Variants in UACA observed in about 807,000 individuals in gnomAD.
The protein encoded by UACA is uveal autoantigen with coiled-coil domains and ankyrin repeats, also known as nuclear membrane binding protein.
In UACA, 112 loss-of-function variants were observed where a neutral mutation model predicts 160.5. That is an observed-to-expected ratio of 0.70 (90% CI 0.60 to 0.82). The LOEUF (loss-of-function observed/expected upper bound fraction) is 0.82. Ranked by LOEUF, UACA falls within the 40% of genes least tolerant of loss-of-function variation. The pLI is 0.00. For missense variants in UACA, 1,574 were observed against 1,614.6 expected (o/e 0.97, Z 0.43); for synonymous variants, 557 against 568.4 (o/e 0.98, Z 0.29).
At chr15:70,679,572 T>TGGAA in intron 10 of UACA, 36 bp downstream of exon 10, 1 of 1,442,354 alleles carries the variant, frequency 6.9e-7, no homozygotes, top group Non-Finnish European at 9.6e-7. Context: ...CTGGAATTGT[T>TGGAA]TTTAAAGGAA....
chr15:70,760,910 T>C (rs982108301), intron 1 of UACA, among the ~76,000 whole-genome samples: 7 of 152,164 alleles, frequency 4.6e-5, no homozygotes, highest in African/African-American at 1.7e-4. Context: ...ATTAAAAGCT[T>C]GGAAAACATT....
At chr15:70,699,351 G>C (rs1898244278) in intron 2 of UACA, among the ~76,000 whole-genome samples, 176 bp downstream of exon 2, 1 of 152,056 alleles carries the variant, frequency 6.6e-6, no homozygotes, top group Non-Finnish European at 1.5e-5. Context: ...TCCCTCTCTA[G>C]ACTGGAAATA....
intron 1 of UACA, among the ~76,000 whole-genome samples, chr15:70,750,120 C>T (rs558011182): frequency 8.2e-4 from 125 of 152,292 alleles, no homozygotes; most frequent in Admixed American, 1.2e-3. Context: ...GGGCCCTCCT[C>T]TCCATCCCTT....
intron 9 of UACA, chr15:70,681,454 G>T (rs943992124): frequency 6.6e-6 from 1 of 152,070 alleles, no homozygotes; most frequent in Non-Finnish European, 1.5e-5. Context: ...GGAGCAGTGT[G>T]TCTTTCTGTT....
chr15:70,760,579 C>T (rs1183698786), intron 1 of UACA, among the ~76,000 whole-genome samples: 11 of 151,990 alleles, frequency 7.2e-5, no homozygotes, highest in Admixed American at 2.0e-4. Context: ...GAGGCCGAGG[C>T]GGGTGGATCA....
At chr15:70,666,598 G>C in intron 16 of UACA, 126 bp downstream of exon 16, 1 of 720,200 alleles carries the variant, frequency 1.4e-6, no homozygotes, top group South Asian at 4.1e-5. Context: ...ATTTTTGCAC[G>C]CAAGTTGCTA....
intron 14 of UACA, 72 bp from the exon 15 acceptor site, chr15:70,671,163 G>T: frequency 9.3e-7 from 1 of 1,076,958 alleles, no homozygotes; most frequent in Non-Finnish European, 1.4e-6. Context: ...TTAATTTGAT[G>T]TTATTTCCTT....
intron 1 of UACA, among the ~76,000 whole-genome samples, chr15:70,754,475 G>A (rs1783648813): frequency 6.6e-6 from 1 of 152,064 alleles, no homozygotes; most frequent in African/African-American, 2.4e-5. Flanking sequence ...AAGAAGGTTA[G>A]GCTAAGCTAT....
At position 70,701,858 on chromosome 15, in the gene UACA, A is replaced by G. The variant is rs117448690; in HGVS notation, c.79-2198T>C. 6,439 of 1,606,510 alleles carry G rather than the reference A, an allele frequency of 4.0e-3. 25 individuals are homozygous for G. The highest frequency in any genetic ancestry group is 4.1e-3 in the South Asian group (365 of 89,994). On this transcript the variant is annotated intron_variant, in intron 1 of 18. Transcript: ENST00000322954. ...CTAACCAAGAATCTTTTGTTACACTAGACTACTGGGATACCTACTCTGTTC... is the reference window on the plus strand; with the variant it reads ...CTAACCAAGAATCTTTTGTTACACTGGACTACTGGGATACCTACTCTGTTC...
intron 2 of UACA, among the ~76,000 whole-genome samples, chr15:70,696,210 G>C (rs1898122683): frequency 6.6e-6 from 1 of 152,054 alleles, no homozygotes; most frequent in Non-Finnish European, 1.5e-5. Context: ...CAAAACCTTA[G>C]TACTCCTAGT....
intron 1 of UACA, among the ~76,000 whole-genome samples, chr15:70,746,307 A>G (rs983737198): frequency 1.3e-5 from 2 of 152,224 alleles, no homozygotes; most frequent in African/African-American, 4.8e-5. Context: ...AAACAACCCC[A>G]TCAAAAAGTG....
At chr15:70,753,716 G>A (rs867541199) in intron 1 of UACA, among the ~76,000 whole-genome samples, 1 of 152,204 alleles carries the variant, frequency 6.6e-6, no homozygotes, top group Non-Finnish European at 1.5e-5. Flanking sequence ...TTTCTCACAA[G>A]CAGTTTCTTT....
intron 1 of UACA, among the ~76,000 whole-genome samples, chr15:70,711,273 A>G (rs1898673374): frequency 6.6e-6 from 1 of 152,204 alleles, no homozygotes; most frequent in Non-Finnish European, 1.5e-5. Flanking sequence ...TTTAAACCCT[A>G]ATATAAGGAG....
Position 70,699,564 on chromosome 15 carries a change from C to A in UACA, c.175G>T (p.Val59Phe), listed in dbSNP as rs371918252. 3.1e-6 allele frequency: 5 copies of A among 1,610,414 alleles called. No homozygotes were observed. The highest frequency in any genetic ancestry group is 2.7e-5 in the African/African-American group (2 of 73,702). ...TCCACATCTAGTTTGCCTGGATTGACCCCCTTTTTAGCAAGGATTGAGGTC... is the reference window on the plus strand; with the variant it reads ...TCCACATCTAGTTTGCCTGGATTGAACCCCTTTTTAGCAAGGATTGAGGTC... ...KVTSILAKKGVNPGKLDVEGR... is the reference protein window; with the variant it reads ...KVTSILAKKGFNPGKLDVEGR... Residue 59 changes from valine (V) to phenylalanine (F), a missense_variant, in exon 2 of 19, where the codon GTC becomes TTC. Val to Phe is a conservative substitution (Grantham distance 50). Transcript: ENST00000322954.
At chr15:70,728,565 A>C (rs1170642215) in intron 1 of UACA, among the ~76,000 whole-genome samples, 1 of 150,176 alleles carries the variant, frequency 6.7e-6, no homozygotes, top group Non-Finnish European at 1.5e-5. Context: ...CCCCATCTCA[A>C]AAAAAAAAAG....
intron 1 of UACA, chr15:70,754,108 T>C (rs1490074888): frequency 4.4e-6 from 2 of 455,870 alleles, no homozygotes; most frequent in South Asian, 3.1e-5. Context: ...GCCCAGCCTA[T>C]ATTTGGTTTT....
At chr15:70,761,279 G>T (rs774136896) in intron 1 of UACA, among the ~76,000 whole-genome samples, 7 of 152,148 alleles carry the variant, frequency 4.6e-5, no homozygotes, top group Non-Finnish European at 1.0e-4. Context: ...GGGGCAGGGT[G>T]GCTGAAGCAG....
intron 1 of UACA, among the ~76,000 whole-genome samples, chr15:70,709,788 C>G (rs972583210): frequency 5.9e-5 from 9 of 152,030 alleles, no homozygotes; most frequent in Non-Finnish European, 8.8e-5. Context: ...ATATGAAATA[C>G]CTTATACTGT....
Position 70,669,535 on chromosome 15 carries a change from T to C in UACA, c.1222-73A>G. The C allele has an allele frequency of 2.5e-6, 3 of 1,180,608 alleles. No individual in the cohort carries two copies. The South Asian group carries it at 5.1e-5, about 20-fold the overall frequency. 73.1% of individuals were successfully genotyped at this position (1,180,608 alleles called of 1,614,324 possible). A position where few individuals can be genotyped will look rare whatever the true frequency, so the allele number is the denominator to read the frequency against. ...CATTTACTATACTTATTTGCCAAAC[T>C]TAGAGAAAGTTAGCACATCATCAGG... is the stretch of plus-strand genomic sequence containing the variant. On this transcript the variant is annotated intron_variant, in intron 15 of 18. Coordinates refer to ENST00000322954, the MANE Select transcript of UACA (RefSeq NM_018003.4).
Sources: gnomAD v4.1 joint callset for allele counts (sites outside exome capture counted in the v4.1 genomes callset) on GRCh38, gnomAD v4.1.1 for gene constraint, MANE v1.5 for transcripts, NCBI Gene and HGNC (gene_info 2026-07-23, HGNC 2026-07-21) for gene names.